The following MRC2 variants were observed in gnomAD, a reference collection of about 807,000 sequenced individuals.
MRC2 encodes the protein C-type mannose receptor 2.
Under a neutral mutation model 206.2 loss-of-function variants are expected in MRC2, and 84 were observed. That is an observed-to-expected ratio of 0.41 (90% CI 0.34 to 0.49). The LOEUF (loss-of-function observed/expected upper bound fraction) is 0.49. MRC2 is among the 20% of genes least tolerant of loss of function. The pLI, the probability that MRC2 is intolerant of heterozygous loss-of-function variation, is 0.31. For synonymous variants in MRC2, 798 were observed against 800.0 expected, an observed-to-expected ratio of 1.00 and a Z score of 0.04; for missense variants, 1,676 against 2,001.5, an observed-to-expected ratio of 0.84 and a Z score of 3.10.
In MRC2 at chr17:62,675,610, G is replaced by A. The variant is rs1483355136; in HGVS notation, c.1570-180G>A. The stretch of plus-strand genomic sequence containing the variant: ...CCCAGCTTCCACAGCTGTGGGTGAT[G>A]GTGGAGGGGGAATGTGGAGAAACGA... On this transcript the variant is annotated intron_variant, in intron 9 of 29. Coordinates refer to ENST00000303375, the MANE Select transcript of MRC2 (RefSeq NM_006039.5). The surrounding 1 kb of genome is among the most constrained non-coding windows in gnomAD (Gnocchi z 4.1). Among the ~76,000 whole-genome samples the A allele has an allele frequency of 6.6e-6, 1 of 152,182 alleles. No individual in the cohort carries two copies. The highest frequency in any genetic ancestry group is 1.5e-5 in the Non-Finnish European group (1 of 68,026).
At chr17:62,674,284 A>T in intron 9 of MRC2, 114 bp downstream of exon 9, 1 of 725,382 alleles carries the variant, frequency 1.4e-6, no homozygotes, top group Non-Finnish European at 2.2e-6. Flanking sequence ...TCTCGTCGGC[A>T]CCCCCTTCCC....
chr17:62,692,511 G>T lies in MRC2; in HGVS notation c.*60G>T. ...GCTGGGGAGCTGGGGCCCTGGGTCA[G>T]TCTGGCCCCCCACCAGCTGCCTGTC... On this transcript the variant is annotated 3_prime_UTR_variant, in exon 30 of 30. Coordinates refer to ENST00000303375, the MANE Select transcript of MRC2 (RefSeq NM_006039.5). This position sits in a 1 kb window ranked among gnomAD's most constrained non-coding sequence, Gnocchi z 4.2. 1.4e-6 allele frequency: 2 copies of T among 1,479,602 alleles called. No homozygotes were observed. The highest frequency in any genetic ancestry group is 2.5e-5 in the South Asian group (2 of 79,636). The allele number at this position is 1,479,602 out of a possible 1,614,324, so 91.7% of individuals were successfully genotyped here.
At chr17:62,682,040 C>A in intron 19 of MRC2, 103 bp downstream of exon 19, 1 of 1,192,306 alleles carries the variant, frequency 8.4e-7, no homozygotes, top group Non-Finnish European at 1.2e-6. Context: ...CTCTTTGTTC[C>A]CACAACCCAA....
chr17:62,690,595 C>A (rs752168122), intron 26 of MRC2, 47 bp from the exon 27 acceptor site: 7 of 1,542,130 alleles, frequency 4.5e-6, no homozygotes, highest in South Asian at 1.3e-5. Context: ...GGACTCTGCC[C>A]CCCCCGGAGA....
In MRC2 at chr17:62,678,597, A is replaced by C. The variant is rs1423524829; in HGVS notation, c.2146A>C (p.Ser716Arg). ...ELGAQLLSLA[S>R]YEEEHFVANM... ...GGGGGCCCAGCTGCTGAGCCTGGCC[A>C]GCTACGAGGAGGAGCACTTTGTGGC... Residue 716 changes from serine (S) to arginine (R), a missense_variant, in exon 13 of 30, where the codon AGC becomes CGC. Physicochemically the swap from Ser to Arg is moderately radical, Grantham distance 110. Coordinates refer to ENST00000303375, the MANE Select transcript of MRC2 (RefSeq NM_006039.5). The C allele has an allele frequency of 6.2e-7, 1 of 1,610,842 alleles. No individual in the cohort carries two copies. Among genetic ancestry groups the C allele is most frequent in the East Asian group, 2.2e-5 (1 of 44,792 alleles).
Position 62,672,305 on chromosome 17 carries a change from T to A in MRC2, c.1461+153T>A, listed in dbSNP as rs368785371. The stretch of plus-strand genomic sequence containing the variant: ...CCTCCTCCCCACCAATGCCTTCCCT[T>A]CCATGTGAGAGACTGCCGGGGCTTG... On this transcript the variant is annotated intron_variant, in intron 8 of 29. Transcript: ENST00000303375. The surrounding 1 kb of genome is among the most constrained non-coding windows in gnomAD (Gnocchi z 4.5). Among the ~76,000 whole-genome samples the A allele has an allele frequency of 6.6e-6, 1 of 152,050 alleles. No homozygotes were observed. Among genetic ancestry groups the A allele is most frequent in the East Asian group, 1.9e-4 (1 of 5,186 alleles).
At chr17:62,662,280 T>C (rs2088690493) in intron 1 of MRC2, among the ~76,000 whole-genome samples, 2 of 151,608 alleles carry the variant, frequency 1.3e-5, no homozygotes, top group Admixed American at 6.6e-5. Flanking sequence ...ATTCTGACTG[T>C]CTTTGGAGAA....
rs1414831366 is a variant in MRC2 at position 62,672,918 on chromosome 17, G to C, written c.1461+766G>C. ...GAGGCAAGAGAATCGCTTGAACCTG[G>C]AAGGCAGAGGCTGCAGTGAGCTGAG... On this transcript the variant is annotated intron_variant, in intron 8 of 29. Transcript: ENST00000303375. The surrounding 1 kb of genome is among the most constrained non-coding windows in gnomAD (Gnocchi z 4.5). Among the ~76,000 whole-genome samples the C allele has an allele frequency of 1.3e-5, 2 of 151,752 alleles. No homozygotes were observed. Among genetic ancestry groups the C allele is most frequent in the Admixed American group, 1.3e-4 (2 of 15,236 alleles).
chr17:62,641,073 G>A (rs2088396821), intron 1 of MRC2, among the ~76,000 whole-genome samples: 1 of 151,182 alleles, frequency 6.6e-6, no homozygotes, highest in Admixed American at 6.6e-5. Flanking sequence ...TCAAATTCCT[G>A]GCCTCAAGTG....
chr17:62,680,162 T>G lies in MRC2; in HGVS notation c.2299-8T>G, dbSNP rs2088944902. 1.2e-6 allele frequency: 2 copies of G among 1,613,978 alleles called. No individual in the cohort carries two copies. Among genetic ancestry groups the G allele is most frequent in the Non-Finnish European group, 1.7e-6 (2 of 1,179,944 alleles). On this transcript the variant is annotated splice_polypyrimidine_tract_variant and splice_region_variant and intron_variant, in intron 14 of 29. Transcript: ENST00000303375. This position sits in a 1 kb window ranked among gnomAD's most constrained non-coding sequence, Gnocchi z 4.8. ...CACGTTCCTCTTCCCTCCACCCGCC[T>G]CCTCCAGTTCTCTTACCACAATTTC...
At chr17:62,630,958 C>T (rs2084211344) in intron 1 of MRC2, among the ~76,000 whole-genome samples, 2 of 152,122 alleles carry the variant, frequency 1.3e-5, no homozygotes. Flanking sequence ...CCAGGAGGTG[C>T]CCAGCCGAGC....
chr17:62,644,324 CAGG>C (rs1032666253), intron 1 of MRC2, among the ~76,000 whole-genome samples: 4 of 152,026 alleles, frequency 2.6e-5, no homozygotes, highest in African/African-American at 9.7e-5. Context: ...GAGGCTGAGG[CAGG>C]AGAATTGCTT....
chr17:62,681,463 A>G (rs1568068881), intron 18 of MRC2: 4 of 482,350 alleles, frequency 8.3e-6, no homozygotes, highest in East Asian at 7.9e-5. Flanking sequence ...AGAACATATG[A>G]TGATCCGGGG....
At position 62,688,959 on chromosome 17, in the gene MRC2, G is replaced by A. The variant is rs144406119; in HGVS notation, c.3333G>A (p.Thr1111=). ...ETHGFICQKG[T]DPSLSPSPAA... The stretch of plus-strand genomic sequence containing the variant: ...ATGGCTTCATCTGCCAGAAGGGCAC[G>A]GGTATGTGTCACCAGTCACCTGGGA... The change falls in exon 23 of 30, where the codon ACG becomes ACA. Residue 1111 remains threonine (T), a splice_region_variant and synonymous_variant. Transcript: ENST00000303375. The A allele has an allele frequency of 9.2e-3, 14,827 of 1,612,682 alleles. 87 individuals are homozygous for A. Among genetic ancestry groups the A allele is most frequent in the Middle Eastern group, 0.029 (176 of 6,060 alleles).
At position 62,671,110 on chromosome 17, in the gene MRC2, C is replaced by A. The variant is rs183453204; in HGVS notation, c.1118-539C>A. Among the ~76,000 whole-genome samples, 1 of 152,146 alleles carries A rather than the reference C, an allele frequency of 6.6e-6. No homozygotes were observed. Among genetic ancestry groups the A allele is most frequent in the Non-Finnish European group, 1.5e-5 (1 of 68,032 alleles). On this transcript the variant is annotated intron_variant, in intron 6 of 29. Coordinates refer to ENST00000303375, the MANE Select transcript of MRC2 (RefSeq NM_006039.5). This position sits in a 1 kb window ranked among gnomAD's most constrained non-coding sequence, Gnocchi z 4.5. ...TGATTGAGATAAGGTCTTGCTGTGT[C>A]GCCCAGGCTGGAGTTTAGTGGTGCA...
chr17:62,664,768 C>T lies in MRC2; in HGVS notation c.339C>T (p.Asp113=). 1 of 1,614,010 alleles carries T rather than the reference C, an allele frequency of 6.2e-7. No individual in the cohort carries two copies. The highest frequency in any genetic ancestry group is 1.3e-5 in the African/African-American group (1 of 75,066). ...CCTCCCTGGGCATGTATGAGTGTGA[C>T]CGGGAAGCACTGAATCTTCGCTGGC... is the stretch of plus-strand genomic sequence containing the variant. ...TTASLGMYEC[D]REALNLRWHC... The change falls in exon 2 of 30, where the codon GAC becomes GAT. Residue 113 remains aspartate (D), a synonymous_variant. Coordinates refer to ENST00000303375, the MANE Select transcript of MRC2 (RefSeq NM_006039.5). This position sits in a 1 kb window ranked among gnomAD's most constrained non-coding sequence, Gnocchi z 4.7.
At chr17:62,691,259 G>A (rs1053786741) in intron 28 of MRC2, 131 bp downstream of exon 28, 2 of 1,062,138 alleles carry the variant, frequency 1.9e-6, no homozygotes, top group Non-Finnish European at 2.6e-6. Flanking sequence ...CGGACTGCGG[G>A]CAGCTGGGAC....
intron 20 of MRC2, 107 bp from the exon 21 acceptor site, chr17:62,688,182 C>T (rs2089055670): frequency 3.3e-6 from 3 of 900,148 alleles, no homozygotes; most frequent in South Asian, 1.6e-5. Context: ...CTCTCCCGGC[C>T]CTCAAAGGCC....
At chr17:62,688,218 C>A in intron 20 of MRC2, 71 bp from the exon 21 acceptor site, 2 of 1,353,664 alleles carry the variant, frequency 1.5e-6, no homozygotes, top group Non-Finnish European at 2.1e-6. Flanking sequence ...CTGAGGGGCG[C>A]ACAGTGGCCT....
Sources: allele counts gnomAD v4.1 joint callset (sites outside exome capture counted in the v4.1 genomes callset), GRCh38; gene constraint gnomAD v4.1.1; non-coding constraint Gnocchi (gnomAD v3.1); transcripts MANE v1.5; gene names NCBI Gene and HGNC (gene_info 2026-07-23, HGNC 2026-07-21).